UBL3: variants seen among roughly 807,000 people sequenced by gnomAD.
UBL3 encodes the protein ubiquitin-like protein 3.
UBL3 carries 6 observed loss-of-function variants against 18.4 expected under a neutral mutation model. The observed-to-expected ratio is 0.33, with a 90% confidence interval of 0.18 to 0.64. The LOEUF (loss-of-function observed/expected upper bound fraction) is 0.64, where lower values mean the gene tolerates loss of function less well. Ranked by LOEUF, UBL3 falls within the 30% of genes least tolerant of loss-of-function variation. The pLI is 0.76. For missense variants in UBL3, 109 were observed against 142.9 expected, an observed-to-expected ratio of 0.76 and a Z score of 1.21; for synonymous variants, 49 against 46.6, an observed-to-expected ratio of 1.05 and a Z score of -0.21.
At chr13:29,788,877 G>A (rs1877405477) in intron 1 of UBL3, among the ~76,000 whole-genome samples, 1 of 28,360 alleles carries the variant, frequency 3.5e-5, no homozygotes, top group African/African-American at 8.5e-5. Context: ...GTGTGCGCGC[G>A]CGCGCGCACG....
intron 1 of UBL3, among the ~76,000 whole-genome samples, chr13:29,836,489 C>T (rs2139364672): frequency 6.6e-6 from 1 of 152,032 alleles, no homozygotes; most frequent in Admixed American, 6.6e-5. Context: ...ATATAAAATG[C>T]CCCTAAATCC....
chr13:29,826,702 T>G (rs1041163363), intron 1 of UBL3, among the ~76,000 whole-genome samples: 1 of 152,212 alleles, frequency 6.6e-6, no homozygotes, highest in Admixed American at 6.5e-5. Context: ...TGCTCTGATC[T>G]TAGTTATTTC....
chr13:29,770,240 C>T (rs1876804695), intron 3 of UBL3, among the ~76,000 whole-genome samples: 1 of 151,918 alleles, frequency 6.6e-6, no homozygotes, highest in Non-Finnish European at 1.5e-5. Context: ...AACTGAGACC[C>T]AAAAGACAAA....
rs201269936 is a variant in UBL3, at chr13:29,774,284, TTTACC to T, written c.137-2091_137-2087del. Among the ~76,000 whole-genome samples, 745 of 152,244 alleles carry T rather than the reference TTTACC, an allele frequency of 4.9e-3. 7 individuals are homozygous for T. Among genetic ancestry groups the T allele is most frequent in the African/African-American group, 0.017 (698 of 41,556 alleles). On this transcript the variant is annotated intron_variant, in intron 2 of 4. Transcript: ENST00000380680. ...TAATTATGAAAGTAAAAGTATTTCT[TTTACC>T]TTAAGTTACAATACTGCCCAAATAA... is the stretch of plus-strand genomic sequence containing the variant.
At chr13:29,776,062 G>C (rs1056539885) in intron 2 of UBL3, among the ~76,000 whole-genome samples, 1 of 151,970 alleles carries the variant, frequency 6.6e-6, no homozygotes, top group Non-Finnish European at 1.5e-5. Context: ...GAGAACATAA[G>C]AACTGACATG....
chr13:29,841,180 CA>C (rs1324536928), intron 1 of UBL3, among the ~76,000 whole-genome samples: 1 of 152,004 alleles, frequency 6.6e-6, no homozygotes, highest in Non-Finnish European at 1.5e-5. Flanking sequence ...ATTTTCTTCT[CA>C]AAATCTAGTC....
intron 2 of UBL3, among the ~76,000 whole-genome samples, chr13:29,773,582 AT>A (rs914220563): frequency 2.0e-5 from 3 of 150,434 alleles, no homozygotes; most frequent in South Asian, 2.1e-4. Context: ...AAATACTTGA[AT>A]TTTTTTTTTG....
At chr13:29,839,912 G>A (rs1455502746) in intron 1 of UBL3, among the ~76,000 whole-genome samples, 1 of 148,448 alleles carries the variant, frequency 6.7e-6, no homozygotes, top group Admixed American at 6.7e-5. Context: ...GGGCGACAGA[G>A]TGAGACTCCG....
At chr13:29,782,282 C>T (rs1386613089) in intron 1 of UBL3, among the ~76,000 whole-genome samples, 2 of 151,950 alleles carry the variant, frequency 1.3e-5, no homozygotes, top group African/African-American at 4.8e-5. Flanking sequence ...CAAAACAAGA[C>T]AAAACAAGAC....
At position 29,825,842 on chromosome 13, in the gene UBL3, T is replaced by C. The variant is rs574798286; in HGVS notation, c.27+23670A>G. Among the ~76,000 whole-genome samples the C allele has an allele frequency of 4.4e-4, 67 of 152,280 alleles. No homozygotes were observed. The East Asian group carries it at 8.9e-3, about 20-fold the overall frequency. On this transcript the variant is annotated intron_variant, in intron 1 of 4. Transcript: ENST00000380680. Reference sequence around the variant, plus strand: ...ATATTGGCTGTGGGTTTGTCATAGATAGCTCTTATTATTTTGAGATACGTC... The same window carrying C: ...ATATTGGCTGTGGGTTTGTCATAGACAGCTCTTATTATTTTGAGATACGTC...
At position 29,764,568 on chromosome 13, in the gene UBL3, T is replaced by C. The variant is rs1202624911; in HGVS notation, c.*2687A>G. 2.0e-5 allele frequency: 3 copies of C among 152,240 alleles called. No homozygotes were observed. The highest frequency in any genetic ancestry group is 7.2e-5 in the African/African-American group (3 of 41,464). The allele number at this position is 152,240 out of a possible 1,614,324, so 9.4% of individuals were successfully genotyped here. On this transcript the variant is annotated 3_prime_UTR_variant, in exon 5 of 5. Transcript: ENST00000380680. ...TAACGTGAATGGTAATGTTAGATAC[T>C]GTATTTTTCCATGGTAAAATACAAC...
intron 1 of UBL3, 82 bp from the exon 2 acceptor site, chr13:29,777,345 A>G: frequency 2.8e-6 from 3 of 1,085,742 alleles, no homozygotes; most frequent in Non-Finnish European, 2.7e-6. Flanking sequence ...TTTCATTTCA[A>G]TCACATCCTA....
intron 1 of UBL3, among the ~76,000 whole-genome samples, chr13:29,818,436 A>G (rs185506634): frequency 6.6e-6 from 1 of 152,336 alleles, no homozygotes; most frequent in Admixed American, 6.5e-5. Flanking sequence ...ACTTGATCAG[A>G]AGTACACAAA....
intron 1 of UBL3, among the ~76,000 whole-genome samples, chr13:29,827,280 G>C (rs1436606341): frequency 6.6e-6 from 1 of 152,160 alleles, no homozygotes; most frequent in East Asian, 1.9e-4. Context: ...GTTGACAGTG[G>C]GGTGTTAAAG....
At chr13:29,787,357 G>A (rs1011728258) in intron 1 of UBL3, among the ~76,000 whole-genome samples, 6 of 152,004 alleles carry the variant, frequency 3.9e-5, no homozygotes, top group African/African-American at 1.4e-4. Context: ...ATCACATAAC[G>A]CTAACTATAT....
intron 1 of UBL3, among the ~76,000 whole-genome samples, chr13:29,793,278 C>T (rs1877528084): frequency 6.6e-6 from 1 of 152,098 alleles, no homozygotes; most frequent in African/African-American, 2.4e-5. Context: ...TTGGTATATG[C>T]AGATTAGACA....
chr13:29,822,241 T>C (rs1878476453), intron 1 of UBL3, among the ~76,000 whole-genome samples: 3 of 152,188 alleles, frequency 2.0e-5, no homozygotes, highest in Admixed American at 1.3e-4. Flanking sequence ...GTAAGTAAAA[T>C]ATAATTGAAA....
At chr13:29,842,452 C>T (rs1879130598) in intron 1 of UBL3, among the ~76,000 whole-genome samples, 1 of 152,022 alleles carries the variant, frequency 6.6e-6, no homozygotes, top group Admixed American at 6.6e-5. Flanking sequence ...AGCCACCGTG[C>T]CCAGCCCTCC....
intron 1 of UBL3, among the ~76,000 whole-genome samples, chr13:29,832,247 G>A (rs970804863): frequency 3.3e-5 from 5 of 151,696 alleles, no homozygotes; most frequent in Admixed American, 2.6e-4. Flanking sequence ...TACAGGTAAT[G>A]AAATTTATGA....
Sources: gnomAD v4.1 joint callset for allele counts (sites outside exome capture counted in the v4.1 genomes callset) on GRCh38, gnomAD v4.1.1 for gene constraint, MANE v1.5 for transcripts, NCBI Gene and HGNC (gene_info 2026-07-23, HGNC 2026-07-21) for gene names.